Variants in SASH1 observed in about 807,000 individuals in gnomAD.
SASH1 encodes SAM and SH3 domain containing 1, also known as SAM and SH3 domain-containing protein 1.
SASH1 carries 44 observed loss-of-function variants against 125.2 expected under a neutral mutation model. The ratio of observed to expected loss-of-function variants is 0.35; its 90% confidence interval spans 0.28 to 0.45. The LOEUF (loss-of-function observed/expected upper bound fraction) is 0.45, where lower values mean the gene tolerates loss of function less well. SASH1 is among the 20% of genes least tolerant of loss of function. The probability of loss-of-function intolerance (pLI) is 1.00; values close to 1 mark genes in which losing one functional copy is unlikely to be tolerated. For synonymous variants in SASH1, 639 were observed against 649.1 expected (o/e 0.98, Z 0.24); for missense variants, 1,426 against 1,614.5 (o/e 0.88, Z 2.00).
At chr6:148,442,591 G>C (rs1776592260) in intron 4 of SASH1, among the ~76,000 whole-genome samples, 1 of 151,368 alleles carries the variant, frequency 6.6e-6, no homozygotes, top group South Asian at 2.1e-4. Flanking sequence ...CTGCTGGCCT[G>C]TTTGAGAATA....
Position 148,501,911 on chromosome 6 carries a change from T to C in SASH1, c.730-12413T>C, listed in dbSNP as rs1316345776. 2.6e-5 allele frequency among the ~76,000 whole-genome samples: 4 copies of C among 152,244 alleles called. No individual in the cohort carries two copies. The East Asian group carries it at 5.8e-4, about 22-fold the overall frequency. ...GCGATTAAAAACGATTCAAAGTTCA[T>C]GAGTTTAAGAAATAGATTGCAGTTG... On this transcript the variant is annotated intron_variant, in intron 8 of 19. Coordinates refer to ENST00000367467, the MANE Select transcript of SASH1 (RefSeq NM_015278.5).
chr6:148,302,852 A>ACG (rs1467716812), intron 1 of SASH1, among the ~76,000 whole-genome samples: 1 of 151,488 alleles, frequency 6.6e-6, no homozygotes, highest in Non-Finnish European at 1.5e-5. Flanking sequence ...ATACACACAC[A>ACG]CACACAGAGA....
At chr6:148,290,498 C>T (rs573406223) in intron 1 of SASH1, among the ~76,000 whole-genome samples, 11 of 151,804 alleles carry the variant, frequency 7.2e-5, no homozygotes, top group African/African-American at 1.2e-4. Flanking sequence ...CCCAGCTACT[C>T]GGGAGGCTGA....
Position 148,532,891 on chromosome 6 carries a change from C to T in SASH1, c.1659C>T (p.Gly553=), listed in dbSNP as rs2115408330. The T allele has an allele frequency of 6.2e-7, 1 of 1,614,230 alleles. No individual in the cohort carries two copies. Among genetic ancestry groups the T allele is most frequent in the Non-Finnish European group, 8.5e-7 (1 of 1,180,040 alleles). Residue 553 remains glycine (G), a synonymous_variant, in exon 14 of 20, where the codon GGC becomes GGT. Coordinates refer to ENST00000367467, the MANE Select transcript of SASH1 (RefSeq NM_015278.5). This position sits in a 1 kb window ranked among gnomAD's most constrained non-coding sequence, Gnocchi z 4.7. ...ATGACGAAGAGCCGCCTTACCGAGG[C>T]CCGTTCTGCGGGCGTGCCAGGGTGC... The part of the protein sequence containing the change: ...DGDDEEPPYR[G]PFCGRARVHT...
chr6:148,331,850 C>A (rs62433975), intron 1 of SASH1, among the ~76,000 whole-genome samples: 10,869 of 151,830 alleles, frequency 0.072, 530 homozygotes, highest in Non-Finnish European at 0.11. Flanking sequence ...TGCTATAGTG[C>A]CTGGTTAATT....
chr6:148,323,257 G>A (rs372625405), intron 1 of SASH1, among the ~76,000 whole-genome samples: 4 of 152,132 alleles, frequency 2.6e-5, no homozygotes, highest in East Asian at 1.9e-4. Flanking sequence ...TGATCTGCCC[G>A]CCTCGGCCTC....
At chr6:148,489,441 G>T (rs1328272719) in intron 8 of SASH1, among the ~76,000 whole-genome samples, 9 of 152,078 alleles carry the variant, frequency 5.9e-5, no homozygotes, top group Admixed American at 5.2e-4. Context: ...GGTTGTTTTG[G>T]CTATTTAAAG....
upstream of SASH1, among the ~76,000 whole-genome samples, chr6:148,271,237 C>A (rs1006462616): frequency 1.7e-4 from 26 of 152,146 alleles, no homozygotes; most frequent in African/African-American, 5.6e-4. Flanking sequence ...ACCACTGCTA[C>A]TGCTGCCTAA....
At chr6:148,341,308 CTA>C (rs1430942605), upstream of SASH1, among the ~76,000 whole-genome samples, 2 of 147,076 alleles carry the variant, frequency 1.4e-5, no homozygotes, top group African/African-American at 2.5e-5. Context: ...AACACTCTTG[CTA>C]TGTTTTGTTT....
the SASH1 span, among the ~76,000 whole-genome samples, chr6:148,236,117 G>T: frequency 2.1e-3 from 319 of 152,276 alleles, 1 homozygote; most frequent in African/African-American, 7.5e-3. Flanking sequence ...GTAGGAAATG[G>T]TGGCATGCAG....
At chr6:148,347,932 G>A (rs1237937410) in intron 1 of SASH1, among the ~76,000 whole-genome samples, 1 of 152,202 alleles carries the variant, frequency 6.6e-6, no homozygotes, top group African/African-American at 2.4e-5. Context: ...AGAGGAGGCA[G>A]AACTCAGGCG....
intron 2 of SASH1, among the ~76,000 whole-genome samples, chr6:148,409,954 A>G (rs1784549274): frequency 6.6e-6 from 1 of 151,858 alleles, no homozygotes; most frequent in South Asian, 2.1e-4. Context: ...AACAAACAAC[A>G]AAAAAGGAGA....
At chr6:148,462,159 T>C (rs1361940446) in intron 4 of SASH1, among the ~76,000 whole-genome samples, 2 of 152,338 alleles carry the variant, frequency 1.3e-5, no homozygotes, top group African/African-American at 4.8e-5. Flanking sequence ...GGAAATCAAC[T>C]AATGGAGAAG....
intron 17 of SASH1, 33 bp downstream of exon 17, chr6:148,540,589 T>A (rs777745846): frequency 8.0e-6 from 12 of 1,497,876 alleles, no homozygotes; most frequent in Non-Finnish European, 9.3e-6. Flanking sequence ...GGAACCTGCT[T>A]TGACAAGTAC....
chr6:148,354,254 A>G (rs1015691424), intron 1 of SASH1, among the ~76,000 whole-genome samples: 2 of 152,254 alleles, frequency 1.3e-5, no homozygotes, highest in African/African-American at 4.8e-5. Context: ...AAAACAAGAA[A>G]ATGCTTGTAA....
the SASH1 span, among the ~76,000 whole-genome samples, chr6:148,215,908 C>T: frequency 6.6e-6 from 1 of 151,828 alleles, no homozygotes. Flanking sequence ...CCCAGGCTGC[C>T]GTGCAATGGT....
intron 17 of SASH1, among the ~76,000 whole-genome samples, chr6:148,541,605 G>A (rs540100189): frequency 6.6e-6 from 1 of 152,154 alleles, no homozygotes; most frequent in Admixed American, 6.5e-5. Context: ...GGAAAAAATA[G>A]TTTGAGAGCC....
At position 148,369,970 on chromosome 6, in the gene SASH1, A is replaced by AAC. The variant is rs1378803193; in HGVS notation, c.157-20163_157-20162insCA. Among the ~76,000 whole-genome samples the AAC allele has an allele frequency of 1.1e-4, 16 of 148,774 alleles. No individual in the cohort carries two copies. In the East Asian group the frequency reaches 2.4e-3, roughly 23 times the overall value. On this transcript the variant is annotated intron_variant, in intron 1 of 19. Transcript: ENST00000367467. ...TTGTCTCAAAAAAAAGAAAAACAAA[A>AAC]AAAAAAAAAAAAAAAAGGAAAGAAA... is the stretch of plus-strand genomic sequence containing the variant.
chr6:148,477,692 ATT>A (rs71004300), intron 7 of SASH1, among the ~76,000 whole-genome samples: 1,517 of 95,812 alleles, frequency 0.016, 12 homozygotes, highest in African/African-American at 0.035. Flanking sequence ...CACCTGGCTA[ATT>A]TTTTTTTTTT....
Sources: allele counts gnomAD v4.1 joint callset (sites outside exome capture counted in the v4.1 genomes callset), GRCh38; gene constraint gnomAD v4.1.1; non-coding constraint Gnocchi (gnomAD v3.1); transcripts MANE v1.5; gene names NCBI Gene and HGNC (gene_info 2026-07-23, HGNC 2026-07-21).